ALLC: variants seen among roughly 807,000 people sequenced by gnomAD.
ALLC encodes the protein probable inactive allantoicase.
ALLC carries 40 observed loss-of-function variants against 45.0 expected under a neutral mutation model. The ratio of observed to expected loss-of-function variants is 0.89; its 90% CI spans 0.69 to 1.16. The LOEUF is 1.16. Ranked by LOEUF, ALLC falls within the 50% of genes most tolerant of loss-of-function variation. ALLC has a pLI of 0.00. For missense variants in ALLC, 488 were observed against 493.1 expected, an observed-to-expected ratio of 0.99 and a Z score of 0.10; for synonymous variants, 176 against 178.1, an observed-to-expected ratio of 0.99 and a Z score of 0.09.
chr2:3,676,201 T>C (rs566172915), intron 3 of ALLC, among the ~76,000 whole-genome samples: 1 of 152,388 alleles, frequency 6.6e-6, no homozygotes, highest in African/African-American at 2.4e-5. Context: ...TAAATACACA[T>C]ATATTCGTAA....
chr2:3,660,879 G>GGAATGAGTCAGGGTGGAGCAGGTGATCT (rs750478721), intron 1 of ALLC, among the ~76,000 whole-genome samples: 26,234 of 149,798 alleles, frequency 0.18, 3,034 homozygotes, highest in East Asian at 0.31. Context: ...GCAGGTGATC[G>GGAATGAGTCAGGGTGGAGCAGGTGATCT]GAATGAGTCA....
chr2:3,669,468 C>T (rs532165955), intron 1 of ALLC, among the ~76,000 whole-genome samples: 75 of 150,732 alleles, frequency 5.0e-4, no homozygotes, highest in African/African-American at 1.8e-3. Flanking sequence ...AGCAAGACTC[C>T]GTCTCAAAAA....
chr2:3,655,134 G>A (rs997856109), upstream of ALLC, among the ~76,000 whole-genome samples: 1 of 152,232 alleles, frequency 6.6e-6, no homozygotes, highest in African/African-American at 2.4e-5. Context: ...TCTCTGCAGG[G>A]CAGGTTGCAC....
the ALLC span, among the ~76,000 whole-genome samples, chr2:3,651,437 GTGTGTT>G: frequency 1.7e-5 from 1 of 57,844 alleles, no homozygotes; most frequent in Non-Finnish European, 3.9e-5. Flanking sequence ...GTGTGTGTGT[GTGTGTT>G]AGGAAGGGAG....
intron 1 of ALLC, among the ~76,000 whole-genome samples, chr2:3,667,616 A>G (rs769984491): frequency 6.6e-6 from 1 of 152,210 alleles, no homozygotes; most frequent in Non-Finnish European, 1.5e-5. Context: ...TGTTCTGACG[A>G]TCGAAATGAG....
rs1667422362 is a variant in ALLC, at chr2:3,689,754, C to T, written c.512-5963C>T. 2.7e-5 allele frequency among the ~76,000 whole-genome samples: 4 copies of T among 150,500 alleles called. No individual in the cohort carries two copies. The East Asian group carries it at 7.9e-4, about 30-fold the overall frequency. On this transcript the variant is annotated intron_variant, in intron 7 of 11. Coordinates refer to ENST00000252505, the MANE Select transcript of ALLC (RefSeq NM_018436.4). Reference sequence around the variant, plus strand: ...AGTGTGTAGTTCAACTTCACTATTTCTTTGTTGATTTTCTGTCTGGACGAT... The same window carrying T: ...AGTGTGTAGTTCAACTTCACTATTTTTTTGTTGATTTTCTGTCTGGACGAT...
At chr2:3,685,210 A>T (rs1667296525) in intron 7 of ALLC, among the ~76,000 whole-genome samples, 1 of 149,974 alleles carries the variant, frequency 6.7e-6, no homozygotes, top group South Asian at 2.1e-4. Flanking sequence ...CTTTCTCCAC[A>T]TCCTCGCTAG....
At chr2:3,664,891 A>C (rs1334888648) in intron 1 of ALLC, among the ~76,000 whole-genome samples, 1 of 151,676 alleles carries the variant, frequency 6.6e-6, no homozygotes, top group Non-Finnish European at 1.5e-5. Flanking sequence ...CTCCAAAAAA[A>C]AAAACAAAAC....
chr2:3,653,561 T>TA (rs1666381594), upstream of ALLC, among the ~76,000 whole-genome samples: 1 of 152,116 alleles, frequency 6.6e-6, no homozygotes, highest in South Asian at 2.1e-4. The surrounding 1 kb of genome is among the most constrained non-coding windows in gnomAD (Gnocchi z 4.1). Context: ...GTCCTTCTGC[T>TA]AAAAAATTCC....
intron 7 of ALLC, chr2:3,695,262 A>G (rs1667631954): frequency 5.4e-6 from 1 of 185,790 alleles, no homozygotes. Context: ...AGTGAACAAC[A>G]CAGGTAAGTG....
intron 6 of ALLC, among the ~76,000 whole-genome samples, chr2:3,682,461 C>T (rs1046847532): frequency 6.6e-6 from 1 of 152,190 alleles, no homozygotes; most frequent in African/African-American, 2.4e-5. Flanking sequence ...TTTTATTAAA[C>T]ATGGGGCTTG....
chr2:3,657,157 C>T (rs774338009), upstream of ALLC, among the ~76,000 whole-genome samples: 3 of 151,660 alleles, frequency 2.0e-5, no homozygotes, highest in Admixed American at 6.6e-5. Context: ...ACTCAAAGGC[C>T]GGGCGAGCTG....
At position 3,702,577 on chromosome 2, in the gene ALLC, C is replaced by G. The variant is rs979303781; in HGVS notation, c.*14C>G. 5.9e-6 allele frequency: 9 copies of G among 1,526,288 alleles called. No individual in the cohort carries two copies. Among genetic ancestry groups the G allele is most frequent in the Non-Finnish European group, 7.9e-6 (9 of 1,137,682 alleles). The allele number at this position is 1,526,288 out of a possible 1,614,324, so 94.5% of individuals were successfully genotyped here. A position where few individuals can be genotyped will look rare whatever the true frequency, so the allele number is the denominator to read the frequency against. ...GCAAACCCTTAACACACACAAAGCC[C>G]CGGTGTCGGACACACAGCAGTAATT... On this transcript the variant is annotated 3_prime_UTR_variant, in exon 12 of 12. Transcript: ENST00000252505.
At chr2:3,681,054 C>A (rs1667163175) in intron 5 of ALLC, among the ~76,000 whole-genome samples, 1 of 152,164 alleles carries the variant, frequency 6.6e-6, no homozygotes, top group African/African-American at 2.4e-5. Context: ...TGTGGGTTGG[C>A]AAGTTTACAC....
Position 3,702,450 on chromosome 2 carries a change from G to A in ALLC, c.1063G>A (p.Asp355Asn), listed in dbSNP as rs1667886659. The stretch of plus-strand genomic sequence containing the variant: ...TCACGCCAGGCTCACCATCGTCCCC[G>A]ACGGGGGAGTGAGCCGCCTTCGGCT... ...ITHARLTIVPDGGVSRLRLRG... is the reference protein window; with the variant it reads ...ITHARLTIVPNGGVSRLRLRG... The change falls in exon 12 of 12, where the codon GAC (aspartate) becomes AAC (asparagine). Residue 355 changes from aspartate to asparagine, a missense_variant. Coordinates refer to ENST00000252505, the MANE Select transcript of ALLC (RefSeq NM_018436.4). 2 of 1,612,660 alleles carry A rather than the reference G, an allele frequency of 1.2e-6. No individual in the cohort carries two copies. Among genetic ancestry groups the A allele is most frequent in the African/African-American group, 2.7e-5 (2 of 74,828 alleles).
chr2:3,683,617 G>A (rs1667254641), intron 7 of ALLC, among the ~76,000 whole-genome samples: 1 of 152,094 alleles, frequency 6.6e-6, no homozygotes, highest in Non-Finnish European at 1.5e-5. Flanking sequence ...GACTATTTTG[G>A]ACATTTCATA....
In ALLC at chr2:3,674,430, T is replaced by G. The variant is rs1015444184; in HGVS notation, c.84+305T>G. On this transcript the variant is annotated intron_variant, in intron 3 of 11. Transcript: ENST00000252505. ...TTGTGTTGGGAAGAAAATGGATCTA[T>G]GTCTTGAATTTTCTGGGAAATGTTT... Among the ~76,000 whole-genome samples the G allele has an allele frequency of 5.9e-5, 9 of 152,360 alleles. 1 individual carries two copies. The South Asian group carries it at 1.9e-3, about 32-fold the overall frequency.
Position 3,688,208 on chromosome 2 carries a change from C to T in ALLC, c.511+5134C>T, listed in dbSNP as rs543634742. On this transcript the variant is annotated intron_variant, in intron 7 of 11. Transcript: ENST00000252505. ...GGGGGCCCTCCAATGCCTGCTTCAC[C>T]GCCTTTTTGATGGTGTCATATTTGT... 236 of 170,926 alleles carry T rather than the reference C, an allele frequency of 1.4e-3. 12 individuals carry two copies. Among genetic ancestry groups the T allele is most frequent in the Non-Finnish European group, 2.0e-3 (162 of 81,154 alleles). 10.6% of individuals were successfully genotyped at this position (170,926 alleles called of 1,614,324 possible).
In ALLC at chr2:3,695,816, G is replaced by C. The variant is rs532633577; in HGVS notation, c.611G>C (p.Gly204Ala). The C allele has an allele frequency of 1.2e-6, 2 of 1,613,906 alleles. No homozygotes were observed. The highest frequency in any genetic ancestry group is 1.7e-6 in the Non-Finnish European group (2 of 1,179,854). ...GCAGACCTAGTGGCCATCGCTTTTG[G>C]GGGTGTCTGTGTAGGATTTAGTAAT... ...EPADLVAIAF[G>A]GVCVGFSNAK... Residue 204 changes from glycine to alanine, a missense_variant, in exon 8 of 12, where the codon GGG becomes GCG. Coordinates refer to ENST00000252505, the MANE Select transcript of ALLC (RefSeq NM_018436.4).
Sources: allele counts gnomAD v4.1 joint callset (sites outside exome capture counted in the v4.1 genomes callset), GRCh38; gene constraint gnomAD v4.1.1; non-coding constraint Gnocchi (gnomAD v3.1); transcripts MANE v1.5; gene names NCBI Gene and HGNC (gene_info 2026-07-23, HGNC 2026-07-21).